LIMK2: variants seen among roughly 807,000 people sequenced by gnomAD.
The protein encoded by LIMK2 is LIM domain kinase 2.
A neutral mutation model predicts 75.7 loss-of-function variants in LIMK2; 35 were observed. The observed-to-expected ratio is 0.46, with a 90% CI of 0.35 to 0.61. The LOEUF is 0.61. Among genes scored for constraint, LIMK2 ranks in the 20% least tolerant of loss-of-function variants. The probability of loss-of-function intolerance (pLI) is 0.00; values close to 1 mark genes in which losing one functional copy is unlikely to be tolerated. For synonymous variants in LIMK2, 301 were observed against 319.2 expected, an observed-to-expected ratio of 0.94 and a Z score of 0.61; for missense variants, 623 against 831.0, an observed-to-expected ratio of 0.75 and a Z score of 3.08.
At chr22:31,274,009 T>G (rs2048986093) in intron 14 of LIMK2, among the ~76,000 whole-genome samples, 1 of 151,782 alleles carries the variant, frequency 6.6e-6, no homozygotes, top group Non-Finnish European at 1.5e-5. Flanking sequence ...AGGTTTTTTT[T>G]TTTTTTTTTT....
intron 11 of LIMK2, among the ~76,000 whole-genome samples, chr22:31,269,085 C>T (rs2123856347): frequency 6.6e-6 from 1 of 151,176 alleles, no homozygotes; most frequent in Admixed American, 6.6e-5. Context: ...GTTTCTGGGG[C>T]TTGAATCAGG....
At position 31,267,785 on chromosome 22, in the gene LIMK2, A is replaced by T. The variant is rs373258619; in HGVS notation, c.1138A>T (p.Met380Leu). Residue 380 changes from methionine (M) to leucine (L), a missense_variant, in exon 10 of 16, where the codon ATG becomes TTG. By Grantham distance (15) the Met-to-Leu change is conservative. Transcript: ENST00000331728. The part of the protein sequence containing the change: ...QKTFLTEVKV[M>L]RSLDHPNVLK... ...CTTCCCCCACCCCCAGGTGAAAGTG[A>T]TGCGCAGCCTGGACCACCCCAATGT... 6.3e-7 allele frequency: 1 copy of T among 1,595,004 alleles called. No homozygotes were observed. Among genetic ancestry groups the T allele is most frequent in the Non-Finnish European group, 8.5e-7 (1 of 1,173,586 alleles).
intron 15 of LIMK2, chr22:31,276,900 C>T (rs1240499025): frequency 1.2e-6 from 2 of 1,613,004 alleles, no homozygotes; most frequent in Admixed American, 1.7e-5. Context: ...TACGGAAGCA[C>T]CTCAACCTAG....
chr22:31,275,917 A>G (rs1216058070), intron 15 of LIMK2, among the ~76,000 whole-genome samples: 3 of 152,142 alleles, frequency 2.0e-5, no homozygotes, highest in Non-Finnish European at 1.5e-5. Flanking sequence ...AAGTTACCCT[A>G]GGTCTTTTCA....
intron 7 of LIMK2, among the ~76,000 whole-genome samples, chr22:31,264,688 C>A (rs566608043): frequency 3.2e-4 from 49 of 151,960 alleles, no homozygotes; most frequent in African/African-American, 1.2e-3. Flanking sequence ...ATTGGGAGGC[C>A]GAGGCGGGCA....
chr22:31,262,477 A>T lies in LIMK2; in HGVS notation c.658-118A>T. ...GGGCACTGTGAGGCCACTGGCAGCT[A>T]AAGGCCACCATTAGACAAGTTGAGC... On this transcript the variant is annotated intron_variant, in intron 6 of 15. Transcript: ENST00000331728. This position sits in a 1 kb window ranked among gnomAD's most constrained non-coding sequence, Gnocchi z 5.0. The T allele has an allele frequency of 9.6e-7, 1 of 1,044,928 alleles. No individual in the cohort carries two copies. The highest frequency in any genetic ancestry group is 1.4e-6 in the Non-Finnish European group (1 of 702,128). 64.7% of individuals were successfully genotyped at this position (1,044,928 alleles called of 1,614,324 possible). A position where few individuals can be genotyped will look rare whatever the true frequency, so the allele number is the denominator to read the frequency against.
At chr22:31,213,786 A>G (rs1053910282) in intron 1 of LIMK2, among the ~76,000 whole-genome samples, 1 of 151,240 alleles carries the variant, frequency 6.6e-6, no homozygotes, top group Non-Finnish European at 1.5e-5. Context: ...TTAAGCTTAC[A>G]GAGTCCTTCA....
chr22:31,268,555 A>G (rs1300991105), intron 11 of LIMK2, among the ~76,000 whole-genome samples: 3 of 152,166 alleles, frequency 2.0e-5, no homozygotes, highest in Admixed American at 6.5e-5. Flanking sequence ...TGAAGGGGAA[A>G]TGAGTTCTAG....
Position 31,225,730 on chromosome 22 carries a change from C to A in LIMK2, c.27C>A (p.Val9=). ...TGGTTTTGTGTGCAGGTGAAGATGTCTGGAGGTGTCCAGGCTGTGGGGACC... is the reference window on the plus strand; with the variant it reads ...TGGTTTTGTGTGCAGGTGAAGATGTATGGAGGTGTCCAGGCTGTGGGGACC... The part of the protein sequence containing the change: MSALAGED[V]WRCPGCGDHI... The change falls in exon 2 of 16, where the codon GTC becomes GTA. Residue 9 remains valine (V), a synonymous_variant. Transcript: ENST00000331728. 1 of 1,613,894 alleles carries A rather than the reference C, an allele frequency of 6.2e-7. No homozygotes were observed. The highest frequency in any genetic ancestry group is 1.1e-5 in the South Asian group (1 of 91,014).
chr22:31,276,807 A>G (rs762851294), intron 15 of LIMK2: 5 of 1,610,658 alleles, frequency 3.1e-6, no homozygotes, highest in Non-Finnish European at 4.2e-6. Context: ...CCGGGGCCGC[A>G]GGAGAGGGCC....
rs2048847037 is a variant in LIMK2 at position 31,262,188 on chromosome 22, C to T, written c.606C>T (p.Asp202=). 2.5e-6 allele frequency: 4 copies of T among 1,614,040 alleles called. No homozygotes were observed. Among genetic ancestry groups the T allele is most frequent in the Admixed American group, 1.7e-5 (1 of 60,008 alleles). Residue 202 remains aspartate (D), a synonymous_variant, in exon 6 of 16, where the codon GAC becomes GAT. Coordinates refer to ENST00000331728, the MANE Select transcript of LIMK2 (RefSeq NM_005569.4). The surrounding 1 kb of genome is among the most constrained non-coding windows in gnomAD (Gnocchi z 5.0). ...PNNRNAIHPG[D]RILEINGTPV... is the part of the protein sequence containing the mutation. ...ATCGAAACGCCATCCACCCTGGGGACCGCATCCTGGAGATCAATGGGACCC... is the reference window on the plus strand; with the variant it reads ...ATCGAAACGCCATCCACCCTGGGGATCGCATCCTGGAGATCAATGGGACCC...
chr22:31,214,881 C>T (rs2048377650), intron 1 of LIMK2, among the ~76,000 whole-genome samples: 1 of 152,120 alleles, frequency 6.6e-6, no homozygotes, highest in Non-Finnish European at 1.5e-5. Flanking sequence ...CTGTACCCTC[C>T]ACCTCCCAGG....
chr22:31,215,337 G>A lies in LIMK2; in HGVS notation c.16+2913G>A, dbSNP rs563832622. 1.6e-4 allele frequency among the ~76,000 whole-genome samples: 25 copies of A among 152,304 alleles called. No individual in the cohort carries two copies. The South Asian group carries it at 3.3e-3, about 20-fold the overall frequency. On this transcript the variant is annotated intron_variant, in intron 1 of 15. Transcript: ENST00000331728. ...GACACCTCAGATTCCTCGTGTAACC[G>A]GAGAATCGATAACAAATCAAATATT...
intron 2 of LIMK2, among the ~76,000 whole-genome samples, chr22:31,241,736 T>G (rs2048625415): frequency 2.0e-5 from 3 of 152,128 alleles, no homozygotes; most frequent in African/African-American, 7.2e-5. Flanking sequence ...AAACCTATGA[T>G]TCAGGACCCC....
chr22:31,248,760 A>C (rs1273522912), intron 2 of LIMK2: 1 of 1,613,956 alleles, frequency 6.2e-7, no homozygotes, highest in Non-Finnish European at 8.5e-7. Context: ...ACCTCCAGAG[A>C]CCTGTTTCGG....
In LIMK2 at chr22:31,273,884, G is replaced by C. The variant is rs1158021036; in HGVS notation, c.1614+377G>C. Among the ~76,000 whole-genome samples the C allele has an allele frequency of 2.0e-5, 3 of 152,034 alleles. No individual in the cohort carries two copies. In the East Asian group the frequency reaches 5.8e-4, roughly 29 times the overall value. ...GGCTAATTTTTGTATTTTTAGTAGA[G>C]ACAGGGTTTCACCATGTTGGCCAGG... On this transcript the variant is annotated intron_variant, in intron 14 of 15. Coordinates refer to ENST00000331728, the MANE Select transcript of LIMK2 (RefSeq NM_005569.4).
chr22:31,262,556 G>A lies in LIMK2; in HGVS notation c.658-39G>A, dbSNP rs1360882138. 1 of 1,573,238 alleles carries A rather than the reference G, an allele frequency of 6.4e-7. No individual in the cohort carries two copies. The highest frequency in any genetic ancestry group is 1.2e-5 in the South Asian group (1 of 85,844). On this transcript the variant is annotated intron_variant, in intron 6 of 15. Coordinates refer to ENST00000331728, the MANE Select transcript of LIMK2 (RefSeq NM_005569.4). The surrounding 1 kb of genome is among the most constrained non-coding windows in gnomAD (Gnocchi z 5.0). ...GGTTGGCCATGGGTGGCCTGGGATG[G>A]GGCAGCCTGTGGGAGCTTTATACTG...
At chr22:31,228,570 A>G (rs373168231) in intron 2 of LIMK2, among the ~76,000 whole-genome samples, 2 of 152,322 alleles carry the variant, frequency 1.3e-5, no homozygotes, top group East Asian at 1.9e-4. Flanking sequence ...CTCATGCCAC[A>G]TGGTTGTTAG....
At position 31,266,862 on chromosome 22, in the gene LIMK2, T is replaced by C. The variant is rs544187794; in HGVS notation, c.1042-122T>C. The C allele has an allele frequency of 1.1e-5, 8 of 699,972 alleles. No individual in the cohort carries two copies. The African/African-American group carries it at 1.2e-4, about 11-fold the overall frequency. The allele number at this position is 699,972 out of a possible 1,614,324, so 43.4% of individuals were successfully genotyped here. On this transcript the variant is annotated intron_variant, in intron 8 of 15. Transcript: ENST00000331728. ...CTGCATCTTCCACACATGAACTCTG[T>C]CATTCTGACCCGGCTCAGTGTGCCC...
Sources: allele counts gnomAD v4.1 joint callset (sites outside exome capture counted in the v4.1 genomes callset), GRCh38; gene constraint gnomAD v4.1.1; non-coding constraint Gnocchi (gnomAD v3.1); transcripts MANE v1.5; gene names NCBI Gene and HGNC (gene_info 2026-07-23, HGNC 2026-07-21).